Variants in MACROD2 observed in about 807,000 individuals in gnomAD.
MACROD2 encodes the protein ADP-ribose glycohydrolase MACROD2.
A neutral mutation model predicts 70.4 loss-of-function variants in MACROD2; 36 were observed. That is an observed-to-expected ratio of 0.51 (90% CI 0.39 to 0.68). The LOEUF (loss-of-function observed/expected upper bound fraction) is 0.68, where lower values mean the gene tolerates loss of function less well. Ranked by LOEUF, MACROD2 falls within the 30% of genes least tolerant of loss-of-function variation. The probability of loss-of-function intolerance (pLI) is 0.00; values close to 1 mark genes in which losing one functional copy is unlikely to be tolerated. For synonymous variants in MACROD2, 172 were observed against 178.8 expected, an observed-to-expected ratio of 0.96 and a Z score of 0.30; for missense variants, 496 against 538.4, an observed-to-expected ratio of 0.92 and a Z score of 0.78.
chr20:15,470,691 A>G (rs1169014465), intron 7 of MACROD2, among the ~76,000 whole-genome samples: 2 of 152,142 alleles, frequency 1.3e-5, no homozygotes, highest in African/African-American at 4.8e-5. Context: ...TCTCAGTGGC[A>G]GGACACTGGC....
chr20:14,846,447 T>C (rs529002750), intron 5 of MACROD2, among the ~76,000 whole-genome samples: 3 of 151,442 alleles, frequency 2.0e-5, no homozygotes, highest in African/African-American at 7.3e-5. Context: ...CTGGAAGTTT[T>C]TTCGAAAACT....
chr20:14,028,510 A>G (rs562668425), intron 2 of MACROD2, among the ~76,000 whole-genome samples: 8 of 152,312 alleles, frequency 5.3e-5, no homozygotes, highest in African/African-American at 1.9e-4. Flanking sequence ...CTGCCCAAAC[A>G]GCCACCCAGT....
At chr20:15,390,706 T>C (rs1175140518) in intron 6 of MACROD2, among the ~76,000 whole-genome samples, 2 of 152,150 alleles carry the variant, frequency 1.3e-5, no homozygotes, top group East Asian at 3.9e-4. Context: ...TTAAAAAAAA[T>C]CTGTAGGAAT....
intron 8 of MACROD2, among the ~76,000 whole-genome samples, chr20:15,735,213 G>A (rs751442275): frequency 4.6e-5 from 7 of 152,120 alleles, no homozygotes; most frequent in Admixed American, 1.3e-4. Flanking sequence ...TGCTTGCCTC[G>A]GCCTCCCAAA....
At chr20:14,556,708 TCCAAAGCAATATA>T in intron 4 of MACROD2, among the ~76,000 whole-genome samples, 1 of 152,076 alleles carries the variant, frequency 6.6e-6, no homozygotes, top group East Asian at 1.9e-4. Context: ...AGGAAAACTA[TCCAAAGCAATATA>T]CTTTTGAAAA....
At chr20:14,724,123 G>A (rs1185147906) in intron 5 of MACROD2, among the ~76,000 whole-genome samples, 1 of 152,082 alleles carries the variant, frequency 6.6e-6, no homozygotes, top group African/African-American at 2.4e-5. Context: ...CAAATATGCT[G>A]AGTGTTTTTT....
chr20:14,445,116 G>A (rs2084169171), intron 3 of MACROD2, among the ~76,000 whole-genome samples: 2 of 151,844 alleles, frequency 1.3e-5, no homozygotes, highest in Non-Finnish European at 2.9e-5. Context: ...TTCCTTTTAG[G>A]GACCTGGGTA....
intron 5 of MACROD2, among the ~76,000 whole-genome samples, chr20:15,207,436 G>GTTT (rs548522491): frequency 0.19 from 15,929 of 83,976 alleles, 2,824 homozygotes; most frequent in African/African-American, 0.32. Context: ...TTTGTTTCTG[G>GTTT]TTTTTTTTTT....
intron 3 of MACROD2, among the ~76,000 whole-genome samples, chr20:14,349,807 TTTTTTTC>T (rs1396098700): frequency 6.9e-6 from 1 of 145,624 alleles, no homozygotes; most frequent in Admixed American, 7.2e-5. Flanking sequence ...AATCTTATTC[TTTTTTTC>T]TTTTTTTTTT....
At chr20:14,063,289 C>A (rs2053711344) in intron 2 of MACROD2, among the ~76,000 whole-genome samples, 1 of 152,076 alleles carries the variant, frequency 6.6e-6, no homozygotes. Flanking sequence ...AAATTTATTT[C>A]TTTATAGGGG....
intron 2 of MACROD2, among the ~76,000 whole-genome samples, chr20:14,069,750 C>T (rs2053814227): frequency 6.7e-6 from 1 of 150,028 alleles, no homozygotes; most frequent in Admixed American, 6.7e-5. Context: ...CAAAGAATGT[C>T]ACTTCCCTGT....
intron 3 of MACROD2, among the ~76,000 whole-genome samples, chr20:14,100,784 A>T (rs1569159018): frequency 7.2e-6 from 1 of 138,710 alleles, no homozygotes; most frequent in Non-Finnish European, 1.5e-5. Flanking sequence ...TATATATTAC[A>T]TATTATATAT....
intron 5 of MACROD2, among the ~76,000 whole-genome samples, chr20:15,108,943 A>C (rs1423005146): frequency 6.6e-6 from 1 of 152,142 alleles, no homozygotes; most frequent in Non-Finnish European, 1.5e-5. Context: ...TCTGTTCCAC[A>C]GTCCAGATCT....
At chr20:14,011,891 T>C (rs1224908019) in intron 2 of MACROD2, among the ~76,000 whole-genome samples, 1 of 151,812 alleles carries the variant, frequency 6.6e-6, no homozygotes, top group Non-Finnish European at 1.5e-5. Flanking sequence ...CAACAGTAGC[T>C]TTTTCTACTA....
At chr20:15,984,847 A>G (rs1300020044) in intron 13 of MACROD2, among the ~76,000 whole-genome samples, 1 of 152,210 alleles carries the variant, frequency 6.6e-6, no homozygotes, top group Non-Finnish European at 1.5e-5. Flanking sequence ...GAATTGGTAT[A>G]GATGGCCTCT....
intron 3 of MACROD2, among the ~76,000 whole-genome samples, chr20:14,155,898 A>G (rs1277942866): frequency 6.6e-6 from 1 of 152,218 alleles, no homozygotes; most frequent in African/African-American, 2.4e-5. Flanking sequence ...GCAGTGGCTC[A>G]TGCCTGTAAT....
chr20:14,981,020 AAGTG>A, intron 5 of MACROD2, among the ~76,000 whole-genome samples: 1 of 139,186 alleles, frequency 7.2e-6, no homozygotes, highest in South Asian at 2.2e-4. Context: ...TTACAAAAAG[AAGTG>A]TGTGTGTGTG....
intron 8 of MACROD2, among the ~76,000 whole-genome samples, chr20:15,521,941 C>T: frequency 6.6e-6 from 1 of 152,226 alleles, no homozygotes; most frequent in East Asian, 1.9e-4. Flanking sequence ...CTTCAGGCCA[C>T]AGGCCCTTCA....
intron 4 of MACROD2, among the ~76,000 whole-genome samples, chr20:14,635,401 A>G (rs1984737029): frequency 6.6e-6 from 1 of 152,184 alleles, no homozygotes; most frequent in African/African-American, 2.4e-5. Flanking sequence ...CCATTTTCCA[A>G]CTTTCCAAAA....
Sources: gnomAD v4.1 joint callset for allele counts (sites outside exome capture counted in the v4.1 genomes callset) on GRCh38, gnomAD v4.1.1 for gene constraint, MANE v1.5 for transcripts, NCBI Gene and HGNC (gene_info 2026-07-23, HGNC 2026-07-21) for gene names.